NCOA2: variants seen among roughly 807,000 people sequenced by gnomAD.
NCOA2 encodes the protein class E basic helix-loop-helix protein 75.
Under a neutral mutation model 145.1 loss-of-function variants are expected in NCOA2, and 21 were observed. The observed-to-expected ratio is 0.14, with a 90% CI of 0.10 to 0.21. NCOA2 has a LOEUF of 0.21. Among genes scored for constraint, NCOA2 ranks in the 10% least tolerant of loss-of-function variants. The pLI is 1.00. For missense variants in NCOA2, 1,472 were observed against 1,837.6 expected (o/e 0.80, Z 3.64); for synonymous variants, 619 against 637.5 (o/e 0.97, Z 0.44).
rs148503694 is a variant in NCOA2 at position 70,129,962 on chromosome 8, G to A, written c.3325-982C>T. 1.9e-3 allele frequency among the ~76,000 whole-genome samples: 289 copies of A among 152,268 alleles called. 1 individual carries two copies. Among genetic ancestry groups the A allele is most frequent in the East Asian group, 8.1e-3 (42 of 5,178 alleles). ...TGGGATTACAGGCGTGAGCCACCAC[G>A]CCCAGCCTCAAGTTTTCTTTAGCTC... On this transcript the variant is annotated intron_variant, in intron 16 of 22. Coordinates refer to ENST00000452400, the MANE Select transcript of NCOA2 (RefSeq NM_006540.4).
At chr8:70,441,108 GAGAAAGAAAGAAAGAGAA>G in the NCOA2 span, among the ~76,000 whole-genome samples, 31 of 112,922 alleles carry the variant, frequency 2.7e-4, no homozygotes, top group East Asian at 6.1e-3. Context: ...AAAGAAGAGA[GAGAAAGAAAGAAAGAGAA>G]AGAAAGAAAG....
At chr8:70,392,432 G>T (rs1813289770) in intron 1 of NCOA2, among the ~76,000 whole-genome samples, 1 of 152,130 alleles carries the variant, frequency 6.6e-6, no homozygotes, top group African/African-American at 2.4e-5. Context: ...CACAAAATAA[G>T]AAATTATTAT....
intron 1 of NCOA2, among the ~76,000 whole-genome samples, chr8:70,304,606 C>G (rs530749188): frequency 1.3e-5 from 2 of 151,964 alleles, no homozygotes; most frequent in African/African-American, 4.8e-5. Flanking sequence ...GCTAGGATTA[C>G]AGGTGCCCGC....
intron 2 of NCOA2, among the ~76,000 whole-genome samples, chr8:70,253,337 C>T (rs753743724): frequency 2.6e-5 from 4 of 152,032 alleles, no homozygotes; most frequent in African/African-American, 4.8e-5. Context: ...GTACCAATGA[C>T]GCATAAGGCA....
At chr8:70,230,331 T>C (rs1393346938) in intron 2 of NCOA2, among the ~76,000 whole-genome samples, 2 of 151,974 alleles carry the variant, frequency 1.3e-5, no homozygotes, top group South Asian at 2.1e-4. Context: ...GAAGGGGAAA[T>C]GGGGAGTAAC....
At chr8:70,209,870 C>A (rs144452901) in intron 4 of NCOA2, among the ~76,000 whole-genome samples, 3 of 152,114 alleles carry the variant, frequency 2.0e-5, no homozygotes, top group African/African-American at 7.2e-5. Flanking sequence ...TGGAACTGAA[C>A]CTGCAGTATC....
chr8:70,272,034 A>G (rs1825093769), intron 2 of NCOA2, among the ~76,000 whole-genome samples: 1 of 152,232 alleles, frequency 6.6e-6, no homozygotes, highest in African/African-American at 2.4e-5. Flanking sequence ...GAAATATTTT[A>G]AAGTACGTAT....
intron 20 of NCOA2, 70 bp from the exon 21 acceptor site, chr8:70,124,152 A>G: frequency 2.1e-6 from 3 of 1,452,658 alleles, no homozygotes; most frequent in Non-Finnish European, 2.8e-6. Flanking sequence ...AGCTCAGGGC[A>G]CTTGTTTCTC....
At chr8:70,209,219 T>G (rs756454409) in intron 4 of NCOA2, among the ~76,000 whole-genome samples, 8 of 152,190 alleles carry the variant, frequency 5.3e-5, no homozygotes, top group Non-Finnish European at 8.8e-5. Context: ...GAATTAGAAG[T>G]GAAGTCCAAG....
intron 1 of NCOA2, among the ~76,000 whole-genome samples, chr8:70,369,872 T>C (rs1811054660): frequency 6.6e-6 from 1 of 151,472 alleles, no homozygotes; most frequent in Admixed American, 6.6e-5. Context: ...TAGTGCCTCA[T>C]TAATCTTTTT....
intron 1 of NCOA2, among the ~76,000 whole-genome samples, chr8:70,338,110 G>C (rs948911891): frequency 1.3e-5 from 2 of 150,744 alleles, no homozygotes; most frequent in African/African-American, 2.4e-5. Context: ...GAAGGAGATA[G>C]AGACACAAAA....
Position 70,226,809 on chromosome 8 carries a change from T to C in NCOA2, c.-19-10045A>G, listed in dbSNP as rs559913664. ...TCTTTAACTATATGGACTTCTCATG[T>C]TTTTTCTTCTACCAACTCTTTCAGA... is the stretch of plus-strand genomic sequence containing the variant. On this transcript the variant is annotated intron_variant, in intron 2 of 22. Coordinates refer to ENST00000452400, the MANE Select transcript of NCOA2 (RefSeq NM_006540.4). 3.7e-4 allele frequency among the ~76,000 whole-genome samples: 56 copies of C among 152,136 alleles called. 1 individual carries two copies. Among genetic ancestry groups the C allele is most frequent in the African/African-American group, 1.3e-3 (53 of 41,518 alleles).
the NCOA2 span, among the ~76,000 whole-genome samples, chr8:70,409,128 A>G: frequency 1.3e-5 from 2 of 152,196 alleles, no homozygotes. Context: ...ACATGTCAAC[A>G]CTTAGCAAAT....
chr8:70,298,557 AT>A (rs1458824482), intron 1 of NCOA2, among the ~76,000 whole-genome samples: 31 of 152,224 alleles, frequency 2.0e-4, no homozygotes, highest in African/African-American at 6.3e-4. Context: ...GGATAAATGT[AT>A]TCATTATGCT....
At chr8:70,194,153 A>G (rs1226067899) in intron 4 of NCOA2, among the ~76,000 whole-genome samples, 1 of 152,260 alleles carries the variant, frequency 6.6e-6, no homozygotes, top group Non-Finnish European at 1.5e-5. Context: ...ACAAAACAAC[A>G]GAAATGAGAA....
the NCOA2 span, among the ~76,000 whole-genome samples, chr8:70,443,371 C>T: frequency 5.3e-5 from 8 of 151,540 alleles, no homozygotes; most frequent in East Asian, 3.9e-4. Context: ...GAGACCCTGT[C>T]GCAAAATAAT....
chr8:70,355,094 T>C (rs150715507), intron 1 of NCOA2, among the ~76,000 whole-genome samples: 4 of 152,324 alleles, frequency 2.6e-5, no homozygotes, highest in African/African-American at 7.2e-5. Context: ...AGCTATTATA[T>C]ATGGCGAAAT....
upstream of NCOA2, among the ~76,000 whole-genome samples, chr8:70,405,546 A>G (rs1353103723): frequency 2.3e-5 from 3 of 127,874 alleles, no homozygotes; most frequent in Non-Finnish European, 4.6e-5. Context: ...ATCTTCTGCT[A>G]ATACCAGTCT....
chr8:70,193,562 T>A (rs562904410), intron 4 of NCOA2, among the ~76,000 whole-genome samples: 1 of 152,324 alleles, frequency 6.6e-6, no homozygotes. Flanking sequence ...GTGTAATTTT[T>A]TCCCCTCATC....
Sources: allele counts gnomAD v4.1 joint callset (sites outside exome capture counted in the v4.1 genomes callset), GRCh38; gene constraint gnomAD v4.1.1; transcripts MANE v1.5; gene names NCBI Gene and HGNC (gene_info 2026-07-23, HGNC 2026-07-21).